The following RIMS2 variants were observed in gnomAD, a reference collection of about 807,000 sequenced individuals.
RIMS2 encodes regulating synaptic membrane exocytosis protein 2.
A neutral mutation model predicts 174.4 loss-of-function variants in RIMS2; 59 were observed. The ratio of observed to expected loss-of-function variants is 0.34; its 90% CI spans 0.27 to 0.42. The LOEUF (loss-of-function observed/expected upper bound fraction) is 0.42. RIMS2 is among the 10% of genes least tolerant of loss of function. The probability of loss-of-function intolerance (pLI) is 1.00; values close to 1 mark genes in which losing one functional copy is unlikely to be tolerated. For missense variants in RIMS2, 1,620 were observed against 1,666.3 expected (o/e 0.97, Z 0.48); for synonymous variants, 606 against 572.5 (o/e 1.06, Z -0.84).
intron 3 of RIMS2, among the ~76,000 whole-genome samples, chr8:103,811,731 C>T (rs966537522): frequency 3.9e-5 from 6 of 152,256 alleles, no homozygotes; most frequent in African/African-American, 1.4e-4. Flanking sequence ...CAGGCGTGGG[C>T]CACCACACCC....
At chr8:104,163,860 G>A (rs546656609) in intron 19 of RIMS2, among the ~76,000 whole-genome samples, 40 of 152,230 alleles carry the variant, frequency 2.6e-4, no homozygotes, top group Admixed American at 4.6e-4. Flanking sequence ...AGAAGTATGA[G>A]TTGAGATGGG....
At chr8:103,504,846 C>CTTTTTTTTTTTTTTTT (rs11367763) in intron 1 of RIMS2, among the ~76,000 whole-genome samples, 1 of 95,062 alleles carries the variant, frequency 1.1e-5, no homozygotes, top group African/African-American at 4.5e-5. Context: ...TTCTTTCTTT[C>CTTTTTTTTTTTTTTTT]TTTTTTTTTT....
intron 15 of RIMS2, among the ~76,000 whole-genome samples, chr8:103,974,361 G>A (rs933862899): frequency 2.6e-5 from 4 of 152,186 alleles, no homozygotes; most frequent in Non-Finnish European, 4.4e-5. Flanking sequence ...GTAGTAAAAG[G>A]TCAATTACTA....
chr8:104,047,457 T>TA (rs568173091), intron 19 of RIMS2, among the ~76,000 whole-genome samples: 77 of 152,180 alleles, frequency 5.1e-4, no homozygotes, highest in African/African-American at 1.8e-3. Flanking sequence ...CTCCACCACT[T>TA]ACTTGCTCCA....
At chr8:103,594,093 C>T (rs560110428) in intron 1 of RIMS2, among the ~76,000 whole-genome samples, 2 of 151,668 alleles carry the variant, frequency 1.3e-5, no homozygotes, top group South Asian at 4.1e-4. Context: ...AGCACTTTCA[C>T]GATTATTTTT....
intron 1 of RIMS2, among the ~76,000 whole-genome samples, chr8:103,577,144 C>G (rs1424228365): frequency 1.3e-5 from 2 of 152,172 alleles, no homozygotes; most frequent in South Asian, 2.1e-4. Context: ...AGGCAACCTA[C>G]AGAATGGGAG....
chr8:103,942,787 A>C, exon 14 of RIMS2: 3 of 1,611,740 alleles, frequency 1.9e-6, no homozygotes, highest in Non-Finnish European at 2.5e-6. Context: ...TAATTGAATT[A>C]GAAACAGCAT....
chr8:103,887,995 T>G (rs186804716), intron 4 of RIMS2, among the ~76,000 whole-genome samples: 144 of 151,678 alleles, frequency 9.5e-4, no homozygotes, highest in African/African-American at 3.3e-3. Context: ...CCTTGAAGTA[T>G]TTTATTTCTA....
At chr8:103,931,334 C>T (rs2079888101) in exon 12 of RIMS2, 1 of 1,602,990 alleles carries the variant, frequency 6.2e-7, no homozygotes, top group African/African-American at 1.3e-5. Context: ...ATCTCCCTTC[C>T]AGGGAAGATG....
chr8:104,040,351 A>G (rs2096587876), intron 19 of RIMS2, among the ~76,000 whole-genome samples: 1 of 151,668 alleles, frequency 6.6e-6, no homozygotes, highest in South Asian at 2.1e-4. Flanking sequence ...CATATTGTTC[A>G]TCTGTGTCAA....
chr8:103,981,960 A>G (rs2093942844), intron 16 of RIMS2, among the ~76,000 whole-genome samples: 1 of 152,184 alleles, frequency 6.6e-6, no homozygotes, highest in East Asian at 1.9e-4. Flanking sequence ...AAGATCAATG[A>G]AACAGGTTTG....
At chr8:103,761,303 A>G (rs2140128098) in intron 2 of RIMS2, among the ~76,000 whole-genome samples, 1 of 152,390 alleles carries the variant, frequency 6.6e-6, no homozygotes, top group East Asian at 1.9e-4. Context: ...AGTAATACAC[A>G]TTGAATAAGC....
At chr8:103,549,179 A>G (rs1846460317) in intron 1 of RIMS2, among the ~76,000 whole-genome samples, 1 of 152,130 alleles carries the variant, frequency 6.6e-6, no homozygotes, top group South Asian at 2.1e-4. Flanking sequence ...CAGATTCACC[A>G]AAGTTGAACT....
At chr8:103,617,661 A>G (rs967947774) in intron 1 of RIMS2, among the ~76,000 whole-genome samples, 4 of 152,214 alleles carry the variant, frequency 2.6e-5, no homozygotes, top group Non-Finnish European at 5.9e-5. Flanking sequence ...CAAATTTATA[A>G]GAGAAAAACA....
chr8:104,157,090 TA>T (rs1157244632), intron 19 of RIMS2, among the ~76,000 whole-genome samples: 3 of 152,242 alleles, frequency 2.0e-5, no homozygotes, highest in Non-Finnish European at 4.4e-5. Flanking sequence ...AACAGTGTTT[TA>T]GCCCTTATAA....
At chr8:103,741,119 A>C (rs939486242) in intron 2 of RIMS2, among the ~76,000 whole-genome samples, 1 of 152,036 alleles carries the variant, frequency 6.6e-6, no homozygotes, top group Admixed American at 6.6e-5. Context: ...AATAAATGCA[A>C]ATTTTGATTA....
At chr8:103,834,742 T>TTCTTTCTCTCTCTC (rs1406395709) in intron 3 of RIMS2, among the ~76,000 whole-genome samples, 8 of 109,524 alleles carry the variant, frequency 7.3e-5, no homozygotes, top group African/African-American at 3.0e-4. Context: ...CTTTCTTTCT[T>TTCTTTCTCTCTCTC]TCTCTCTCTT....
At chr8:104,126,096 C>T (rs780558365) in intron 19 of RIMS2, among the ~76,000 whole-genome samples, 74 of 152,126 alleles carry the variant, frequency 4.9e-4, no homozygotes, top group Non-Finnish European at 8.8e-4. Flanking sequence ...ATCTTTTTAG[C>T]ACCAGGGACC....
chr8:104,038,588 A>G (rs898188008), intron 19 of RIMS2, among the ~76,000 whole-genome samples: 1 of 151,860 alleles, frequency 6.6e-6, no homozygotes, highest in Non-Finnish European at 1.5e-5. Context: ...AATATGGGAG[A>G]AGTAGAGGGG....
Sources: allele counts gnomAD v4.1 joint callset (sites outside exome capture counted in the v4.1 genomes callset), GRCh38; gene constraint gnomAD v4.1.1; transcripts MANE v1.5; gene names NCBI Gene and HGNC (gene_info 2026-07-23, HGNC 2026-07-21).